MANEA: variants seen among roughly 807,000 people sequenced by gnomAD.
The protein encoded by MANEA is mannosidase endo-alpha.
MANEA carries 25 observed loss-of-function variants against 36.8 expected under a neutral mutation model. The observed-to-expected ratio is 0.68, with a 90% confidence interval of 0.50 to 0.95. The LOEUF is 0.95. Ranked by LOEUF, MANEA falls within the 40% of genes least tolerant of loss-of-function variation. The pLI, the probability that MANEA is intolerant of heterozygous loss-of-function variation, is 0.00. For synonymous variants in MANEA, 198 were observed against 188.5 expected (o/e 1.05, Z -0.41); for missense variants, 565 against 558.8 (o/e 1.01, Z -0.11).
At chr6:95,602,393 T>G (rs889742896) in intron 3 of MANEA, among the ~76,000 whole-genome samples, 7 of 151,964 alleles carry the variant, frequency 4.6e-5, no homozygotes, top group Non-Finnish European at 1.0e-4. Flanking sequence ...CTACCTCAAT[T>G]TTGTTGTGGC....
At chr6:95,586,273 C>T in intron 1 of MANEA, 129 bp from the exon 2 acceptor site, 1 of 599,934 alleles carries the variant, frequency 1.7e-6, no homozygotes. Flanking sequence ...CTTAATTTCA[C>T]CAATATGTGA....
intron 2 of MANEA, among the ~76,000 whole-genome samples, chr6:95,589,579 A>C (rs1239461350): frequency 6.6e-6 from 1 of 152,162 alleles, no homozygotes; most frequent in Non-Finnish European, 1.5e-5. Flanking sequence ...AATGTATCAG[A>C]TATATTACAA....
In MANEA at chr6:95,586,621, T is replaced by C; in HGVS notation, c.182T>C (p.Phe61Ser). 5 of 1,614,012 alleles carry C rather than the reference T, an allele frequency of 3.1e-6. No homozygotes were observed. The highest frequency in any genetic ancestry group is 4.2e-6 in the Non-Finnish European group (5 of 1,179,988). The change falls in exon 2 of 5, where the codon TTC becomes TCC. Residue 61 changes from phenylalanine to serine, a missense_variant. Physicochemically the swap from Phe to Ser is radical, Grantham distance 155. Coordinates refer to ENST00000358812, the MANE Select transcript of MANEA (RefSeq NM_024641.4). ...RTIHLGKNFD[F>S]QKSDRINSET... ...ATTCATTTGGGGAAAAATTTTGATT[T>C]CCAAAAGAGTGACAGAATCAACAGT...
chr6:95,591,495 T>A (rs1197764747), intron 2 of MANEA, among the ~76,000 whole-genome samples: 2 of 152,136 alleles, frequency 1.3e-5, no homozygotes, highest in African/African-American at 4.8e-5. Context: ...TGGATGGATA[T>A]GTTTTGTTGT....
rs67335804 is a variant in MANEA at position 95,601,716 on chromosome 6, A to ATTTTTTTTTTTTTTTTTTTTTTTTTTT, written c.655-3109_655-3083dup. Among the ~76,000 whole-genome samples, 51 of 64,992 alleles carry ATTTTTTTTTTTTTTTTTTTTTTTTTTT rather than the reference A, an allele frequency of 7.8e-4. 2 individuals are homozygous for ATTTTTTTTTTTTTTTTTTTTTTTTTTT. The highest frequency in any genetic ancestry group is 9.4e-4 in the Non-Finnish European group (35 of 37,294). 42.6% of individuals were successfully genotyped at this position (64,992 alleles called of 152,430 possible). A position where few individuals can be genotyped will look rare whatever the true frequency, so the allele number is the denominator to read the frequency against. On this transcript the variant is annotated intron_variant, in intron 3 of 4. Coordinates refer to ENST00000358812, the MANE Select transcript of MANEA (RefSeq NM_024641.4). Reference sequence around the variant, plus strand: ...AAAAGAAAATTAGGCAGATTCAGTGATTTTTTTTTTTTTTTTTTTTTTTTT... The same window carrying ATTTTTTTTTTTTTTTTTTTTTTTTTTT: ...AAAAGAAAATTAGGCAGATTCAGTGATTTTTTTTTTTTTTTTTTTTTTTTTTTTTTTTTTTTTTTTTTTTTTTTTTTT...
At chr6:95,580,302 TAATG>T (rs1239167603) in intron 1 of MANEA, among the ~76,000 whole-genome samples, 2 of 152,040 alleles carry the variant, frequency 1.3e-5, no homozygotes, top group African/African-American at 4.8e-5. Flanking sequence ...GCTGAACACT[TAATG>T]AACACTATGT....
At chr6:95,604,362 AG>A (rs1769662392) in intron 3 of MANEA, among the ~76,000 whole-genome samples, 1 of 151,992 alleles carries the variant, frequency 6.6e-6, no homozygotes, top group Non-Finnish European at 1.5e-5. Context: ...TTTTCCTAAA[AG>A]AAACATATAT....
chr6:95,596,177 G>A (rs187814278), intron 2 of MANEA, among the ~76,000 whole-genome samples: 91 of 152,154 alleles, frequency 6.0e-4, no homozygotes, highest in African/African-American at 2.1e-3. Flanking sequence ...TATTGGCAGG[G>A]GTGAGGGGGA....
rs772387612 is a variant in MANEA, at chr6:95,606,128, A to C, written c.1112A>C (p.Gln371Pro). The change falls in exon 5 of 5, where the codon CAA becomes CCA. Residue 371 changes from glutamine (Q) to proline (P), a missense_variant. Transcript: ENST00000358812. ...IDTSIRPWNT[Q>P]NTRNRINGKY... ...ACCAGCATCCGTCCATGGAACACGC[A>C]AAACACTCGGAACCGAATCAATGGG... 1 of 1,614,102 alleles carries C rather than the reference A, an allele frequency of 6.2e-7. No homozygotes were observed. The highest frequency in any genetic ancestry group is 1.7e-5 in the Admixed American group (1 of 60,024).
chr6:95,606,032 C>T lies in MANEA; in HGVS notation c.1016C>T (p.Ala339Val), dbSNP rs1403161033. 2 of 1,614,010 alleles carry T rather than the reference C, an allele frequency of 1.2e-6. No individual in the cohort carries two copies. The highest frequency in any genetic ancestry group is 2.2e-5 in the East Asian group (1 of 44,860). ...TATGGCTCATCACATCAGAATTGGG[C>T]TAGCCTAAAATTATTTTGTGATAAA... ...FTYGSSHQNW[A>V]SLKLFCDKYN... is the part of the protein sequence containing the mutation. Residue 339 changes from alanine to valine, a missense_variant, in exon 5 of 5, where the codon GCT becomes GTT. Coordinates refer to ENST00000358812, the MANE Select transcript of MANEA (RefSeq NM_024641.4).
intron 2 of MANEA, chr6:95,590,094 A>G (rs1392088334): frequency 6.6e-6 from 1 of 152,178 alleles, no homozygotes; most frequent in Non-Finnish European, 1.5e-5. Context: ...CCAGAAAGGA[A>G]TGTCATCCAG....
intron 2 of MANEA, among the ~76,000 whole-genome samples, chr6:95,594,068 A>G (rs1769440236): frequency 6.6e-6 from 1 of 152,148 alleles, no homozygotes; most frequent in Non-Finnish European, 1.5e-5. Context: ...CTCAAAAAAA[A>G]AAAGCAAAAG....
chr6:95,578,822 T>C (rs1192740162), intron 1 of MANEA, among the ~76,000 whole-genome samples: 1 of 152,210 alleles, frequency 6.6e-6, no homozygotes. Flanking sequence ...TAATCCTTAA[T>C]TGAAAACATA....
In MANEA at chr6:95,606,674, CAATTG is replaced by C; in HGVS notation, c.*274_*278del. On this transcript the variant is annotated 3_prime_UTR_variant, in exon 5 of 5. Transcript: ENST00000358812. ...TGAAATCAAAATTCTGATTTGATGG[CAATTG>C]AATTTTCATTTTACAATAGATAAAT... 2 of 191,450 alleles carry C rather than the reference CAATTG, an allele frequency of 1.0e-5. No individual in the cohort carries two copies. Among genetic ancestry groups the C allele is most frequent in the East Asian group, 2.4e-4 (2 of 8,446 alleles). The allele number at this position is 191,450 out of a possible 1,614,324, so 11.9% of individuals were successfully genotyped here.
intron 1 of MANEA, among the ~76,000 whole-genome samples, chr6:95,583,567 C>A (rs1470804436): frequency 6.6e-6 from 1 of 151,920 alleles, no homozygotes; most frequent in African/African-American, 2.4e-5. Context: ...AAGTTTGAAA[C>A]AGACAAAATA....
At chr6:95,582,465 G>A (rs924153456) in intron 1 of MANEA, among the ~76,000 whole-genome samples, 1 of 152,144 alleles carries the variant, frequency 6.6e-6, no homozygotes, top group African/African-American at 2.4e-5. Flanking sequence ...TTACAGGCGT[G>A]AGCCACCACG....
chr6:95,603,918 AGTTT>A (rs942989710), intron 3 of MANEA, among the ~76,000 whole-genome samples: 2 of 152,076 alleles, frequency 1.3e-5, no homozygotes, highest in African/African-American at 4.8e-5. Context: ...AGCCATAATT[AGTTT>A]GTCTTGATTT....
chr6:95,603,623 C>A (rs1346114585), intron 3 of MANEA, among the ~76,000 whole-genome samples: 2 of 151,862 alleles, frequency 1.3e-5, no homozygotes, highest in African/African-American at 4.8e-5. Context: ...ATACATTTTG[C>A]TTTAATTGGG....
intron 1 of MANEA, among the ~76,000 whole-genome samples, chr6:95,583,846 A>C (rs1179517369): frequency 6.6e-6 from 1 of 152,216 alleles, no homozygotes; most frequent in Admixed American, 6.5e-5. Context: ...ACAATTAAAC[A>C]AGATTAACCT....
Sources: allele counts gnomAD v4.1 joint callset (sites outside exome capture counted in the v4.1 genomes callset), GRCh38; gene constraint gnomAD v4.1.1; transcripts MANE v1.5; gene names NCBI Gene and HGNC (gene_info 2026-07-23, HGNC 2026-07-21).